Variants in CDH13 observed in about 807,000 individuals in gnomAD.
CDH13 encodes the protein cadherin 13.
A neutral mutation model predicts 63.8 loss-of-function variants in CDH13; 24 were observed. The ratio of observed to expected loss-of-function variants is 0.38; its 90% CI spans 0.27 to 0.53. CDH13 has a LOEUF of 0.53. Ranked by LOEUF, CDH13 falls within the 20% of genes least tolerant of loss-of-function variation. CDH13 has a pLI of 0.85. For missense variants in CDH13, 1,049 were observed against 903.1 expected (o/e 1.16, Z -2.07); for synonymous variants, 503 against 355.3 (o/e 1.42, Z -4.67).
intron 3 of CDH13, among the ~76,000 whole-genome samples, chr16:83,120,683 C>T (rs1486756245): frequency 1.3e-5 from 2 of 151,768 alleles, no homozygotes; most frequent in African/African-American, 4.8e-5. Context: ...CCTATTTTTG[C>T]CACCCTTAAC....
At chr16:82,944,035 G>A (rs1465186196) in intron 2 of CDH13, among the ~76,000 whole-genome samples, 1 of 152,138 alleles carries the variant, frequency 6.6e-6, no homozygotes, top group Non-Finnish European at 1.5e-5. Context: ...GAGTCCCCTT[G>A]AGATTAAGTA....
chr16:83,556,723 T>C (rs1598283913), intron 7 of CDH13, among the ~76,000 whole-genome samples: 1 of 152,216 alleles, frequency 6.6e-6, no homozygotes, highest in Admixed American at 6.5e-5. Flanking sequence ...AGAATCAATA[T>C]TGGCCTGGCT....
At chr16:82,832,971 G>A (rs891504738) in intron 1 of CDH13, among the ~76,000 whole-genome samples, 1 of 152,172 alleles carries the variant, frequency 6.6e-6, no homozygotes, top group African/African-American at 2.4e-5. Flanking sequence ...TAGAACTGCA[G>A]CCATGGATTA....
At chr16:83,124,385 C>A (rs1323644103) in intron 3 of CDH13, among the ~76,000 whole-genome samples, 1 of 152,132 alleles carries the variant, frequency 6.6e-6, no homozygotes, top group African/African-American at 2.4e-5. Context: ...GTTTGAGTTC[C>A]TTGTAAATTC....
intron 2 of CDH13, among the ~76,000 whole-genome samples, chr16:82,883,091 C>G (rs1016450076): frequency 6.6e-6 from 1 of 152,072 alleles, no homozygotes; most frequent in South Asian, 2.1e-4. Flanking sequence ...ATGCCATCAC[C>G]TGAGGCTGTG....
intron 10 of CDH13, among the ~76,000 whole-genome samples, chr16:83,742,081 T>A (rs1912119275): frequency 1.3e-5 from 2 of 152,216 alleles, no homozygotes; most frequent in Admixed American, 6.5e-5. Context: ...AAGGGACTTG[T>A]CAAACCTTTG....
chr16:83,193,908 A>G (rs2038799493), intron 4 of CDH13, among the ~76,000 whole-genome samples: 1 of 152,346 alleles, frequency 6.6e-6, no homozygotes, highest in East Asian at 1.9e-4. Context: ...AGTCCCTAGT[A>G]AGTTGCCTGT....
At position 82,639,400 on chromosome 16, in the gene CDH13, G is replaced by C. The variant is rs1381929892; in HGVS notation, c.45+12263G>C. 2.6e-6 allele frequency: 4 copies of C among 1,535,476 alleles called. No individual in the cohort carries two copies. In the African/African-American group the frequency reaches 5.5e-5, roughly 21 times the overall value. ...CTGCACTGCATGGTTCCCCCAGCAA[G>C]AACATCCCAGTGAGAATGGCCCACA... On this transcript the variant is annotated intron_variant, in intron 1 of 13. Coordinates refer to ENST00000567109, the MANE Select transcript of CDH13 (RefSeq NM_001257.5).
intron 6 of CDH13, among the ~76,000 whole-genome samples, chr16:83,415,139 C>A (rs2092181491): frequency 6.6e-6 from 1 of 151,278 alleles, no homozygotes; most frequent in African/African-American, 2.4e-5. Context: ...ATGAACAGTT[C>A]CCTGCCAAAA....
At chr16:83,030,380 C>T (rs548944801) in intron 2 of CDH13, among the ~76,000 whole-genome samples, 23 of 152,112 alleles carry the variant, frequency 1.5e-4, no homozygotes, top group Admixed American at 9.8e-4. Flanking sequence ...CCCTGTGGGC[C>T]GGGTACAGTG....
chr16:83,000,174 C>A (rs948296476), intron 2 of CDH13, among the ~76,000 whole-genome samples: 4 of 132,766 alleles, frequency 3.0e-5, no homozygotes, highest in African/African-American at 1.2e-4. Flanking sequence ...TCTTATTGGG[C>A]AATTCTATGT....
At chr16:83,552,084 C>T (rs1248044066) in intron 7 of CDH13, among the ~76,000 whole-genome samples, 2 of 152,162 alleles carry the variant, frequency 1.3e-5, no homozygotes, top group African/African-American at 2.4e-5. Context: ...GCAACTCCAC[C>T]ACCTCCCACC....
At chr16:83,259,651 A>G (rs1906722351) in intron 5 of CDH13, among the ~76,000 whole-genome samples, 1 of 152,052 alleles carries the variant, frequency 6.6e-6, no homozygotes, top group Non-Finnish European at 1.5e-5. Context: ...ATTTTTTTTT[A>G]TTTTATTATT....
chr16:83,013,222 T>TGTAG (rs1246894875), intron 2 of CDH13, among the ~76,000 whole-genome samples: 2 of 152,236 alleles, frequency 1.3e-5, no homozygotes, highest in African/African-American at 2.4e-5. Context: ...GCCATATACA[T>TGTAG]GTAGGTGAAT....
intron 9 of CDH13, 36 bp downstream of exon 9, chr16:83,671,008 C>G (rs534138683): frequency 5.9e-6 from 9 of 1,521,162 alleles, no homozygotes; most frequent in Middle Eastern, 2.1e-4. Context: ...TCTCCTCATG[C>G]GAGCACGGAG....
At chr16:82,671,702 G>C (rs887003214) in intron 1 of CDH13, among the ~76,000 whole-genome samples, 17 of 152,150 alleles carry the variant, frequency 1.1e-4, no homozygotes, top group African/African-American at 3.9e-4. Flanking sequence ...TTAACTTCGT[G>C]CCCAAGCTGT....
chr16:82,791,202 A>C (rs1162391342), intron 1 of CDH13, among the ~76,000 whole-genome samples: 1 of 143,924 alleles, frequency 6.9e-6, no homozygotes, highest in African/African-American at 2.6e-5. Context: ...ACGCCACTGC[A>C]CTCCAGCCTG....
rs1448539109 is a variant in CDH13 at position 83,748,294 on chromosome 16, C to T, written c.1681+44C>T. 2.6e-6 allele frequency: 4 copies of T among 1,528,058 alleles called. No individual in the cohort carries two copies. The Admixed American group carries it at 7.8e-5, about 30-fold the overall frequency. 94.7% of individuals were successfully genotyped at this position (1,528,058 alleles called of 1,614,324 possible). On this transcript the variant is annotated intron_variant, in intron 11 of 13. Transcript: ENST00000567109. ...CCATCAAGGGTATACTTTTCTGCTACAAATATACTTTTACATTTTTAAATT... is the reference window on the plus strand; with the variant it reads ...CCATCAAGGGTATACTTTTCTGCTATAAATATACTTTTACATTTTTAAATT...
At position 82,672,999 on chromosome 16, in the gene CDH13, CTTT is replaced by C. The variant is rs562942948; in HGVS notation, c.45+45880_45+45882del. On this transcript the variant is annotated intron_variant, in intron 1 of 13. Transcript: ENST00000567109. ...GTATGGCTAATTTTTATAAAGTTTTCTTTTTTTTTTTTTTTTTTTTGTAGAGAT... is the reference window on the plus strand; with the variant it reads ...GTATGGCTAATTTTTATAAAGTTTTCTTTTTTTTTTTTTTTTTGTAGAGAT... 4.6e-4 allele frequency among the ~76,000 whole-genome samples: 37 copies of C among 81,276 alleles called. 1 individual carries two copies. The highest frequency in any genetic ancestry group is 1.2e-3 in the Admixed American group (7 of 5,738). 53.3% of individuals were successfully genotyped at this position (81,276 alleles called of 152,430 possible). A position where few individuals can be genotyped will look rare whatever the true frequency, so the allele number is the denominator to read the frequency against.
Sources: allele counts gnomAD v4.1 joint callset (sites outside exome capture counted in the v4.1 genomes callset), GRCh38; gene constraint gnomAD v4.1.1; transcripts MANE v1.5; gene names NCBI Gene and HGNC (gene_info 2026-07-23, HGNC 2026-07-21).